Variants in SEMA6D observed in about 807,000 individuals in gnomAD.
SEMA6D encodes the protein semaphorin 6D.
In SEMA6D, 35 loss-of-function variants were observed where a neutral mutation model predicts 106.6. The ratio of observed to expected loss-of-function variants is 0.33; its 90% CI spans 0.25 to 0.44. SEMA6D has a LOEUF of 0.44. SEMA6D is among the 20% of genes least tolerant of loss of function. The pLI, the probability that SEMA6D is intolerant of heterozygous loss-of-function variation, is 1.00. For missense variants in SEMA6D, 1,185 were observed against 1,345.9 expected, an observed-to-expected ratio of 0.88 and a Z score of 1.87; for synonymous variants, 499 against 487.7, an observed-to-expected ratio of 1.02 and a Z score of -0.31.
At chr15:47,608,110 T>C (rs923761039) in intron 4 of SEMA6D, among the ~76,000 whole-genome samples, 1 of 152,196 alleles carries the variant, frequency 6.6e-6, no homozygotes, top group African/African-American at 2.4e-5. Context: ...CAAGATAATA[T>C]TATTATGGAA....
At chr15:47,299,991 C>T (rs1451110005) in intron 1 of SEMA6D, among the ~76,000 whole-genome samples, 6 of 152,130 alleles carry the variant, frequency 3.9e-5, no homozygotes, top group East Asian at 3.8e-4. Context: ...GACTGTGGGG[C>T]GTATACATTA....
intron 2 of SEMA6D, among the ~76,000 whole-genome samples, chr15:47,463,343 A>G (rs567035239): frequency 6.6e-6 from 1 of 152,280 alleles, no homozygotes; most frequent in South Asian, 2.1e-4. Flanking sequence ...TTTCTTCTCC[A>G]TAAATCCTTT....
At chr15:47,246,855 G>T (rs569439797) in intron 1 of SEMA6D, among the ~76,000 whole-genome samples, 1 of 152,096 alleles carries the variant, frequency 6.6e-6, no homozygotes, top group African/African-American at 2.4e-5. Flanking sequence ...CAGTCTCCTC[G>T]TGAGGGGATT....
chr15:47,639,672 G>A (rs967145226), intron 4 of SEMA6D, among the ~76,000 whole-genome samples: 16 of 152,204 alleles, frequency 1.1e-4, no homozygotes, highest in Non-Finnish European at 2.1e-4. Flanking sequence ...CATGTTGATG[G>A]CATGTAACTT....
At position 47,258,675 on chromosome 15, in the gene SEMA6D, TGTG is replaced by T. The variant is rs1566956399; in HGVS notation, c.-239+74258_-239+74260del. ...TCAGGCCTTTGGACTCAGACTGAAC[TGTG>T]CCACCAAGTTTTCCTTGCCTTCCAG... On this transcript the variant is annotated intron_variant, in intron 1 of 19. Transcript: ENST00000558014. Among the ~76,000 whole-genome samples the T allele has an allele frequency of 5.9e-5, 9 of 152,094 alleles. 1 individual carries two copies. The highest frequency in any genetic ancestry group is 5.2e-4 in the Admixed American group (8 of 15,254).
At position 47,616,580 on chromosome 15, in the gene SEMA6D, G is replaced by GAA. The variant is rs55761524; in HGVS notation, c.-55+15698_-55+15699dup. The stretch of plus-strand genomic sequence containing the variant: ...CTGTATGTGATTGCTCTCCAAAGAG[G>GAA]AAAAAAAAAAAAAAAGATGATCCTA... On this transcript the variant is annotated intron_variant, in intron 4 of 19. Coordinates refer to the SEMA6D transcript ENST00000558014. 2.4e-3 allele frequency among the ~76,000 whole-genome samples: 337 copies of GAA among 142,418 alleles called. 1 individual carries two copies. The highest frequency in any genetic ancestry group is 4.4e-3 in the African/African-American group (169 of 38,712). The allele number at this position is 142,418 out of a possible 152,430, so 93.4% of individuals were successfully genotyped here. A position where few individuals can be genotyped will look rare whatever the true frequency, so the allele number is the denominator to read the frequency against.
chr15:47,620,932 G>A (rs917631611), intron 4 of SEMA6D, among the ~76,000 whole-genome samples: 1 of 151,872 alleles, frequency 6.6e-6, no homozygotes, highest in African/African-American at 2.4e-5. Context: ...CCCAGCTCTT[G>A]ACAGCACGGA....
At chr15:47,346,902 T>C (rs1477725480) in intron 1 of SEMA6D, among the ~76,000 whole-genome samples, 1 of 152,116 alleles carries the variant, frequency 6.6e-6, no homozygotes, top group Non-Finnish European at 1.5e-5. Flanking sequence ...TATTTCTTTT[T>C]ATTTTTTCTT....
intron 3 of SEMA6D, among the ~76,000 whole-genome samples, chr15:47,561,090 G>A (rs2046067188): frequency 6.6e-6 from 1 of 150,670 alleles, no homozygotes; most frequent in Admixed American, 6.6e-5. Context: ...AGGAAATAAT[G>A]GTTTAAAACT....
chr15:47,270,136 A>G (rs2034492873), intron 1 of SEMA6D, among the ~76,000 whole-genome samples: 1 of 148,260 alleles, frequency 6.7e-6, no homozygotes, highest in Non-Finnish European at 1.5e-5. Context: ...AATAATATAT[A>G]TTTGTATATA....
chr15:47,245,486 G>A (rs1006564294), intron 1 of SEMA6D, among the ~76,000 whole-genome samples: 5 of 152,182 alleles, frequency 3.3e-5, no homozygotes, highest in South Asian at 2.1e-4. Flanking sequence ...AATAGGTGTT[G>A]TCTGAGAAGC....
chr15:47,612,283 T>C (rs1416865904), intron 4 of SEMA6D, among the ~76,000 whole-genome samples: 2 of 152,188 alleles, frequency 1.3e-5, no homozygotes, highest in Admixed American at 1.3e-4. Flanking sequence ...TAAGGGCTCA[T>C]GGTGACTAAG....
chr15:47,725,817 T>TGCCGAGAATTGCTCC (rs1555415742), intron 1 of SEMA6D, among the ~76,000 whole-genome samples: 1 of 151,934 alleles, frequency 6.6e-6, no homozygotes, highest in Non-Finnish European at 1.5e-5. Flanking sequence ...TCAATTGCTT[T>TGCCGAGAATTGCTCC]GCCAAGAATT....
intron 1 of SEMA6D, among the ~76,000 whole-genome samples, chr15:47,197,030 A>G (rs909623912): frequency 3.3e-5 from 5 of 152,126 alleles, no homozygotes; most frequent in African/African-American, 1.2e-4. Context: ...TAAATTCAAA[A>G]AACCTTTGCT....
rs1000496900 is a variant in SEMA6D at position 47,621,954 on chromosome 15, A to G, written c.-55+21058A>G. On this transcript the variant is annotated intron_variant, in intron 4 of 19. Coordinates refer to the SEMA6D transcript ENST00000558014. ...ACCCCATCCCTAATTTTCAGAGGCT[A>G]TGAAAGCTAGTGGTTGCTGTCTCCT... 2.0e-5 allele frequency among the ~76,000 whole-genome samples: 3 copies of G among 152,170 alleles called. No individual in the cohort carries two copies. In the East Asian group the frequency reaches 5.8e-4, roughly 29 times the overall value.
intron 1 of SEMA6D, among the ~76,000 whole-genome samples, chr15:47,186,424 C>T (rs767428074): frequency 6.6e-6 from 1 of 152,028 alleles, no homozygotes; most frequent in African/African-American, 2.4e-5. Context: ...ACCATACTCA[C>T]GGTTCGACAA....
intron 4 of SEMA6D, among the ~76,000 whole-genome samples, chr15:47,698,085 A>G (rs2078736817): frequency 6.6e-6 from 1 of 152,218 alleles, no homozygotes; most frequent in African/African-American, 2.4e-5. Flanking sequence ...CTTGTAGGAT[A>G]ATTCACTTTT....
At chr15:47,284,057 C>T (rs980740845) in intron 1 of SEMA6D, among the ~76,000 whole-genome samples, 9 of 152,150 alleles carry the variant, frequency 5.9e-5, no homozygotes, top group Non-Finnish European at 1.0e-4. Context: ...TCCTAGGAAT[C>T]CCACAAAACT....
chr15:47,545,508 C>T (rs2045493179), intron 3 of SEMA6D, among the ~76,000 whole-genome samples: 2 of 152,118 alleles, frequency 1.3e-5, no homozygotes, highest in African/African-American at 4.8e-5. Context: ...ATTTTCTTGA[C>T]ATTAATAACT....
Sources: gnomAD v4.1 joint callset for allele counts (sites outside exome capture counted in the v4.1 genomes callset) on GRCh38, gnomAD v4.1.1 for gene constraint, MANE v1.5 for transcripts, NCBI Gene and HGNC (gene_info 2026-07-23, HGNC 2026-07-21) for gene names.